Variants in PLPP1 observed in about 807,000 individuals in gnomAD.
PLPP1 encodes the protein lipid phosphate phosphohydrolase 1a.
A neutral mutation model predicts 31.2 loss-of-function variants in PLPP1; 24 were observed. The observed-to-expected ratio is 0.77, with a 90% CI of 0.56 to 1.08. The LOEUF (loss-of-function observed/expected upper bound fraction) is 1.08, where lower values mean the gene tolerates loss of function less well. Among genes scored for constraint, PLPP1 ranks in the 50% least tolerant of loss-of-function variants. The probability of loss-of-function intolerance (pLI) is 0.00; values close to 1 mark genes in which losing one functional copy is unlikely to be tolerated. For synonymous variants in PLPP1, 146 were observed against 126.3 expected, an observed-to-expected ratio of 1.16 and a Z score of -1.05; for missense variants, 319 against 342.7, an observed-to-expected ratio of 0.93 and a Z score of 0.55.
chr5:55,521,216 G>A (rs934700822), intron 1 of PLPP1, among the ~76,000 whole-genome samples: 1 of 152,044 alleles, frequency 6.6e-6, no homozygotes, highest in African/African-American at 2.4e-5. Flanking sequence ...AGCCAGGCGT[G>A]GTGGCACATA....
At chr5:55,515,282 A>T (rs1422259515) in intron 1 of PLPP1, among the ~76,000 whole-genome samples, 3 of 152,188 alleles carry the variant, frequency 2.0e-5, no homozygotes, top group Admixed American at 1.3e-4. Flanking sequence ...TTCTTCCTTC[A>T]TCTGGCACAT....
At chr5:55,475,035 G>C (rs540231978) in intron 2 of PLPP1, among the ~76,000 whole-genome samples, 2 of 151,916 alleles carry the variant, frequency 1.3e-5, no homozygotes, top group South Asian at 4.2e-4. Flanking sequence ...CCAACTCCGA[G>C]ACTCAAGCGA....
At chr5:55,476,135 T>C (rs1167030492) in intron 1 of PLPP1, among the ~76,000 whole-genome samples, 2 of 152,076 alleles carry the variant, frequency 1.3e-5, no homozygotes, top group Middle Eastern at 3.4e-3. Context: ...CGCACCACCA[T>C]GCCAAGCTGG....
intron 1 of PLPP1, chr5:55,530,849 TG>T: frequency 8.5e-7 from 1 of 1,172,402 alleles, no homozygotes. Flanking sequence ...CAGTAGGATG[TG>T]GCCGCGGAGA....
At chr5:55,450,766 G>A (rs1001484790) in intron 3 of PLPP1, among the ~76,000 whole-genome samples, 16 of 152,138 alleles carry the variant, frequency 1.1e-4, no homozygotes, top group African/African-American at 3.1e-4. Context: ...AGGGACAAGC[G>A]GTGGATGAAA....
intron 1 of PLPP1, among the ~76,000 whole-genome samples, chr5:55,493,601 T>C (rs1386939251): frequency 1.3e-5 from 2 of 151,938 alleles, no homozygotes; most frequent in Non-Finnish European, 2.9e-5. Context: ...AAAAATTAGC[T>C]GGGTGGCTGG....
intron 3 of PLPP1, among the ~76,000 whole-genome samples, chr5:55,458,015 T>C (rs1163759107): frequency 6.6e-6 from 1 of 152,212 alleles, no homozygotes; most frequent in African/African-American, 2.4e-5. Context: ...CTTATTAACA[T>C]GTTGGTTGAT....
intron 1 of PLPP1, among the ~76,000 whole-genome samples, chr5:55,484,056 C>T (rs1752725812): frequency 6.6e-6 from 1 of 152,108 alleles, no homozygotes; most frequent in Non-Finnish European, 1.5e-5. Context: ...ACCCTCTTCT[C>T]AACTAGGCCT....
Position 55,534,733 on chromosome 5 carries a change from G to C in PLPP1, c.-104C>G, listed in dbSNP as rs1481668504. 10 of 1,219,106 alleles carry C rather than the reference G, an allele frequency of 8.2e-6. No individual in the cohort carries two copies. Among genetic ancestry groups the C allele is most frequent in the Middle Eastern group, 2.7e-4 (1 of 3,666 alleles). The allele number at this position is 1,219,106 out of a possible 1,614,324, so 75.5% of individuals were successfully genotyped here. A position where few individuals can be genotyped will look rare whatever the true frequency, so the allele number is the denominator to read the frequency against. On this transcript the variant is annotated 5_prime_UTR_variant, in exon 1 of 6. Transcript: ENST00000307259. ...GGGCCGGGGCTGGCGACGGCCCCGAGCTACGGCCCCTCCCAGCCGGAGGAG... is the reference window on the plus strand; with the variant it reads ...GGGCCGGGGCTGGCGACGGCCCCGACCTACGGCCCCTCCCAGCCGGAGGAG...
chr5:55,517,288 C>T (rs925915289), intron 1 of PLPP1, among the ~76,000 whole-genome samples: 11 of 152,188 alleles, frequency 7.2e-5, no homozygotes, highest in African/African-American at 2.4e-4. Context: ...TTCCCAGGCT[C>T]AGGTGATCCA....
intron 1 of PLPP1, among the ~76,000 whole-genome samples, chr5:55,520,917 A>C (rs927828870): frequency 1.3e-5 from 2 of 152,212 alleles, no homozygotes; most frequent in East Asian, 3.8e-4. Context: ...TTCTGAAATA[A>C]AGACAGACTT....
At chr5:55,506,158 A>G (rs1299469286) in intron 1 of PLPP1, among the ~76,000 whole-genome samples, 5 of 152,156 alleles carry the variant, frequency 3.3e-5, no homozygotes, top group Non-Finnish European at 7.3e-5. Flanking sequence ...AATAAAGGAA[A>G]AGACTATCAA....
chr5:55,456,516 A>G (rs1028610636), intron 3 of PLPP1, among the ~76,000 whole-genome samples: 1 of 152,226 alleles, frequency 6.6e-6, no homozygotes, highest in Non-Finnish European at 1.5e-5. Flanking sequence ...GGCTGTAGAG[A>G]TACATAAGTT....
At chr5:55,489,603 C>T (rs923248961) in intron 1 of PLPP1, among the ~76,000 whole-genome samples, 4 of 152,100 alleles carry the variant, frequency 2.6e-5, no homozygotes, top group African/African-American at 9.7e-5. Context: ...TGGACCCCTT[C>T]ACCTTCAAAA....
intron 1 of PLPP1, among the ~76,000 whole-genome samples, chr5:55,480,333 A>AT (rs1752643871): frequency 1.3e-5 from 2 of 151,910 alleles, no homozygotes; most frequent in African/African-American, 4.8e-5. Context: ...CATTCTAAGT[A>AT]TACATATAAT....
chr5:55,459,244 G>T (rs537076952), intron 3 of PLPP1, among the ~76,000 whole-genome samples: 9 of 147,980 alleles, frequency 6.1e-5, no homozygotes, highest in Non-Finnish European at 1.0e-4. Flanking sequence ...AAAAAAAAAC[G>T]ACACTTGTAA....
At chr5:55,434,236 A>C (rs902903384) in intron 4 of PLPP1, among the ~76,000 whole-genome samples, 8 of 152,048 alleles carry the variant, frequency 5.3e-5, no homozygotes, top group Non-Finnish European at 1.0e-4. Flanking sequence ...AGGTAAAAGA[A>C]CTCTACAAAG....
At chr5:55,523,507 T>C (rs7716488) in intron 1 of PLPP1, among the ~76,000 whole-genome samples, 119,501 of 152,036 alleles carry the variant, frequency 0.79, 47,887 homozygotes, top group Middle Eastern at 0.88. Flanking sequence ...TTCCCAACTT[T>C]CCCAGCCCTC....
intron 1 of PLPP1, among the ~76,000 whole-genome samples, chr5:55,478,551 G>C (rs1458799504): frequency 6.6e-6 from 1 of 152,060 alleles, no homozygotes; most frequent in African/African-American, 2.4e-5. Context: ...GGATAGAAAG[G>C]GTCTCTAAAG....
Sources: gnomAD v4.1 joint callset for allele counts (sites outside exome capture counted in the v4.1 genomes callset) on GRCh38, gnomAD v4.1.1 for gene constraint, MANE v1.5 for transcripts, NCBI Gene and HGNC (gene_info 2026-07-23, HGNC 2026-07-21) for gene names.